EIF1AD: variants seen among roughly 807,000 people sequenced by gnomAD.
EIF1AD encodes the protein probable RNA-binding protein EIF1AD.
Under a neutral mutation model 21.7 loss-of-function variants are expected in EIF1AD, and 9 were observed. The observed-to-expected ratio is 0.41, with a 90% confidence interval of 0.25 to 0.72. The LOEUF is 0.72. Ranked by LOEUF, EIF1AD falls within the 30% of genes least tolerant of loss-of-function variation. The pLI is 0.29. For missense variants in EIF1AD, 164 were observed against 199.7 expected (o/e 0.82, Z 1.08); for synonymous variants, 78 against 70.9 (o/e 1.10, Z -0.50).
rs1157055793 is a variant in EIF1AD at position 65,999,883 on chromosome 11, A to C, written c.196+170T>G. 9.2e-6 allele frequency: 6 copies of C among 649,296 alleles called. No homozygotes were observed. In the Admixed American group the frequency reaches 1.7e-4, roughly 18 times the overall value. 40.2% of individuals were successfully genotyped at this position (649,296 alleles called of 1,614,324 possible). A position where few individuals can be genotyped will look rare whatever the true frequency, so the allele number is the denominator to read the frequency against. On this transcript the variant is annotated intron_variant, in intron 3 of 5. Coordinates refer to ENST00000533544, the MANE Select transcript of EIF1AD (RefSeq NM_001242481.2). The stretch of plus-strand genomic sequence containing the variant: ...CTGCAGCCTCCACCTCCCAGGCTCA[A>C]GTGATTCTCAGGCCTCAGCCTCCTG...
At position 65,998,429 on chromosome 11, in the gene EIF1AD, G is replaced by A; in HGVS notation, c.*170C>T. On this transcript the variant is annotated 3_prime_UTR_variant, in exon 6 of 6. Transcript: ENST00000533544. Reference sequence around the variant, plus strand: ...GAGAGCCACTCAGACACCAGAACAAGTCACCAACCCACCAGGGGTTTAATT... The same window carrying A: ...GAGAGCCACTCAGACACCAGAACAAATCACCAACCCACCAGGGGTTTAATT... The A allele has an allele frequency of 2.6e-6, 2 of 783,568 alleles. No homozygotes were observed. The highest frequency in any genetic ancestry group is 1.9e-6 in the Non-Finnish European group (1 of 526,716). 48.5% of individuals were successfully genotyped at this position (783,568 alleles called of 1,614,324 possible).
rs148064439 is a variant in EIF1AD, at chr11:66,002,027, T to A, written c.-234A>T. 624 of 152,254 alleles carry A rather than the reference T, an allele frequency of 4.1e-3. 2 individuals carry two copies. The highest frequency in any genetic ancestry group is 6.3e-3 in the Non-Finnish European group (430 of 68,058). 9.4% of individuals were successfully genotyped at this position (152,254 alleles called of 1,614,324 possible). A position where few individuals can be genotyped will look rare whatever the true frequency, so the allele number is the denominator to read the frequency against. Reference sequence around the variant, plus strand: ...TCAAGGCTGAACCAAGAAAACACAGTAAAGGAACTTGCCGGCGGCCGCGAC... The same window carrying A: ...TCAAGGCTGAACCAAGAAAACACAGAAAAGGAACTTGCCGGCGGCCGCGAC... On this transcript the variant is annotated 5_prime_UTR_variant, in exon 1 of 6. Coordinates refer to ENST00000533544, the MANE Select transcript of EIF1AD (RefSeq NM_001242481.2).
chr11:65,998,378 ACTT>A lies in EIF1AD; in HGVS notation c.*218_*220del. On this transcript the variant is annotated 3_prime_UTR_variant, in exon 6 of 6. Transcript: ENST00000533544. ...TCTAATAAATAGGGAGCAGTTTTTCACTTCATCACAATCTCCCTCCCCCGAGAG... is the reference window on the plus strand; with the variant it reads ...TCTAATAAATAGGGAGCAGTTTTTCACATCACAATCTCCCTCCCCCGAGAG... 4 of 409,362 alleles carry A rather than the reference ACTT, an allele frequency of 9.8e-6. No individual in the cohort carries two copies. In the South Asian group the frequency reaches 2.0e-4, roughly 21 times the overall value. 25.4% of individuals were successfully genotyped at this position (409,362 alleles called of 1,614,324 possible).
chr11:65,998,738 G>A lies in EIF1AD; in HGVS notation c.359C>T (p.Thr120Ile), dbSNP rs147521115. 19 of 1,614,114 alleles carry A rather than the reference G, an allele frequency of 1.2e-5. 1 individual carries two copies. The African/African-American group carries it at 1.9e-4, about 16-fold the overall frequency. ...TGGCTCAGCTGGGAGTTCTGGTTGAGTTTGTCTGCACGAAGGGAAGAGAGC... is the reference window on the plus strand; with the variant it reads ...TGGCTCAGCTGGGAGTTCTGGTTGAATTTGTCTGCACGAAGGGAAGAGAGC... ...AEKHNNRNRQ[T>I]QPELPAEPQL... The change falls in exon 6 of 6, where the codon ACT becomes ATT. Residue 120 changes from threonine (T) to isoleucine (I), a missense_variant. Physicochemically the swap from Thr to Ile is moderately conservative, Grantham distance 89. Coordinates refer to ENST00000533544, the MANE Select transcript of EIF1AD (RefSeq NM_001242481.2).
chr11:65,998,448 T>A lies in EIF1AD; in HGVS notation c.*151A>T. The A allele has an allele frequency of 1.0e-6, 1 of 965,244 alleles. No individual in the cohort carries two copies. The highest frequency in any genetic ancestry group is 1.5e-6 in the Non-Finnish European group (1 of 689,586). The allele number at this position is 965,244 out of a possible 1,614,324, so 59.8% of individuals were successfully genotyped here. A position where few individuals can be genotyped will look rare whatever the true frequency, so the allele number is the denominator to read the frequency against. On this transcript the variant is annotated 3_prime_UTR_variant, in exon 6 of 6. Transcript: ENST00000533544. ...GAACAAGTCACCAACCCACCAGGGG[T>A]TTAATTCTCTGAATCAAAAGATCAG...
At chr11:66,001,471 CA>C (rs397944986) in intron 1 of EIF1AD, among the ~76,000 whole-genome samples, 3,024 of 79,404 alleles carry the variant, frequency 0.038, 30 homozygotes, top group East Asian at 0.13. Context: ...GACTCCGTCT[CA>C]AAAAAAAAAA....
chr11:65,999,858 C>T (rs1163298492), intron 3 of EIF1AD, 183 bp from the exon 4 acceptor site: 2 of 640,372 alleles, frequency 3.1e-6, no homozygotes, highest in Non-Finnish European at 5.4e-6. Context: ...TCATAGCTGA[C>T]TGCAGCCTCC....
Position 65,998,021 on chromosome 11 carries a change from G to A in EIF1AD, c.*578C>T, listed in dbSNP as rs925113833. 3.9e-5 allele frequency: 6 copies of A among 152,692 alleles called. No homozygotes were observed. Among genetic ancestry groups the A allele is most frequent in the Admixed American group, 3.9e-4 (6 of 15,308 alleles). The allele number at this position is 152,692 out of a possible 1,614,324, so 9.5% of individuals were successfully genotyped here. On this transcript the variant is annotated 3_prime_UTR_variant, in exon 6 of 6. Transcript: ENST00000533544. ...CAGAGTGGGAGAGATGAGGTCGTATGTGGGGATGGACACAGTAGCTGGAGG... is the reference window on the plus strand; with the variant it reads ...CAGAGTGGGAGAGATGAGGTCGTATATGGGGATGGACACAGTAGCTGGAGG...
chr11:66,000,003 T>C, intron 3 of EIF1AD, 50 bp downstream of exon 3: 1 of 1,442,138 alleles, frequency 6.9e-7, no homozygotes, highest in East Asian at 2.3e-5. Flanking sequence ...CAAGCGATCC[T>C]CCCATCTCAG....
At chr11:65,999,809 G>T (rs1328903058) in intron 3 of EIF1AD, 134 bp from the exon 4 acceptor site, 8 of 689,098 alleles carry the variant, frequency 1.2e-5, no homozygotes, top group African/African-American at 1.8e-5. Context: ...TTGAGACAGG[G>T]TCTTGCTCTG....
intron 1 of EIF1AD, 103 bp downstream of exon 1, chr11:66,001,807 T>C (rs1275545923): frequency 6.6e-6 from 1 of 152,264 alleles, no homozygotes; most frequent in Admixed American, 6.5e-5. Flanking sequence ...GCCAGTACCC[T>C]TAAGACTGAT....
At chr11:66,000,536 A>G in intron 1 of EIF1AD, 31 bp from the exon 2 acceptor site, 1 of 724,156 alleles carries the variant, frequency 1.4e-6, no homozygotes, top group South Asian at 1.7e-5. Flanking sequence ...TTGGTTAAGA[A>G]CATGGGTTCT....
Position 66,002,022 on chromosome 11 carries a change from C to T in EIF1AD, c.-229G>A, listed in dbSNP as rs77830446. 1.4e-4 allele frequency: 21 copies of T among 152,242 alleles called. No individual in the cohort carries two copies. Among genetic ancestry groups the T allele is most frequent in the African/African-American group, 4.8e-4 (20 of 41,440 alleles). The allele number at this position is 152,242 out of a possible 1,614,324, so 9.4% of individuals were successfully genotyped here. A position where few individuals can be genotyped will look rare whatever the true frequency, so the allele number is the denominator to read the frequency against. On this transcript the variant is annotated 5_prime_UTR_variant, in exon 1 of 6. Transcript: ENST00000533544. ...TCACTTCAAGGCTGAACCAAGAAAACACAGTAAAGGAACTTGCCGGCGGCC... is the reference window on the plus strand; with the variant it reads ...TCACTTCAAGGCTGAACCAAGAAAATACAGTAAAGGAACTTGCCGGCGGCC...
rs754405462 is a variant in EIF1AD at position 65,999,609 on chromosome 11, A to G, written c.263T>C (p.Leu88Pro). The G allele has an allele frequency of 6.2e-7, 1 of 1,614,046 alleles. No individual in the cohort carries two copies. Among genetic ancestry groups the G allele is most frequent in the Non-Finnish European group, 8.5e-7 (1 of 1,180,026 alleles). The change falls in exon 4 of 6, where the codon CTC (leucine) becomes CCC (proline). Residue 88 changes from leucine (L) to proline (P), a missense_variant. Physicochemically the swap from Leu to Pro is moderately conservative, Grantham distance 98. Transcript: ENST00000533544. The stretch of plus-strand genomic sequence containing the variant: ...CAGAGAGCGCACGTGGTCCTTGCAG[A>G]GCACAAACGAGATTTCAGCCTTCAC... ...EKVKAEISFV[L>P]CKDHVRSLQK...
At chr11:66,001,134 A>G (rs1218765503) in intron 1 of EIF1AD, among the ~76,000 whole-genome samples, 2 of 151,810 alleles carry the variant, frequency 1.3e-5, no homozygotes, top group African/African-American at 4.8e-5. Context: ...TCTGTCTGCG[A>G]CTCGTCCTGC....
intron 3 of EIF1AD, 163 bp from the exon 4 acceptor site, chr11:65,999,838 A>G: frequency 1.5e-6 from 1 of 653,682 alleles, no homozygotes; most frequent in East Asian, 2.7e-5. Context: ...GCTGGCAAGC[A>G]ATAGCATGAT....
In EIF1AD at chr11:65,997,874, G is replaced by A. The variant is rs1426058107; in HGVS notation, c.*725C>T. The A allele has an allele frequency of 2.0e-5, 3 of 152,250 alleles. No individual in the cohort carries two copies. The highest frequency in any genetic ancestry group is 7.2e-5 in the African/African-American group (3 of 41,430). The allele number at this position is 152,250 out of a possible 1,614,324, so 9.4% of individuals were successfully genotyped here. On this transcript the variant is annotated 3_prime_UTR_variant, in exon 6 of 6. Transcript: ENST00000533544. The stretch of plus-strand genomic sequence containing the variant: ...GCAGCCTCTATTTAAAAGGTTATAA[G>A]ACAATCAATGTCCTCAGGGAATAAT...
At chr11:66,001,249 G>A (rs1331014302) in intron 1 of EIF1AD, among the ~76,000 whole-genome samples, 10 of 151,996 alleles carry the variant, frequency 6.6e-5, no homozygotes, top group Non-Finnish European at 1.5e-4. Flanking sequence ...CGAGGTGGGC[G>A]GATCACGATG....
chr11:66,001,274 C>T (rs1298633995), intron 1 of EIF1AD, among the ~76,000 whole-genome samples: 1 of 151,946 alleles, frequency 6.6e-6, no homozygotes, highest in East Asian at 1.9e-4. Flanking sequence ...GAGATCGAGA[C>T]CATCCTGGCT....
Sources: allele counts gnomAD v4.1 joint callset (sites outside exome capture counted in the v4.1 genomes callset), GRCh38; gene constraint gnomAD v4.1.1; transcripts MANE v1.5; gene names NCBI Gene and HGNC (gene_info 2026-07-23, HGNC 2026-07-21).